Variants in PILRA observed in about 807,000 individuals in gnomAD.
PILRA encodes the protein paired immunoglobin like type 2 receptor alpha, also known as paired immunoglobulin-like type 2 receptor alpha.
A neutral mutation model predicts 33.1 loss-of-function variants in PILRA; 37 were observed. The ratio of observed to expected loss-of-function variants is 1.12; its 90% confidence interval spans 0.86 to 1.47. The LOEUF (loss-of-function observed/expected upper bound fraction) is 1.47. Among genes scored for constraint, PILRA ranks in the 40% most tolerant of loss-of-function variants. The pLI is 0.00. For synonymous variants in PILRA, 146 were observed against 149.9 expected, an observed-to-expected ratio of 0.97 and a Z score of 0.19; for missense variants, 312 against 376.2, an observed-to-expected ratio of 0.83 and a Z score of 1.41.
intron 2 of PILRA, among the ~76,000 whole-genome samples, chr7:100,389,609 G>A (rs1340321514): frequency 2.7e-5 from 4 of 147,748 alleles, no homozygotes; most frequent in Non-Finnish European, 6.0e-5. Context: ...AAGGAAGAAA[G>A]GAATGAAGGA....
rs1001563381 is a variant in PILRA, at chr7:100,393,283, C to CA, written c.673+3190dup. On this transcript the variant is annotated intron_variant, in intron 3 of 6. Transcript: ENST00000198536. Reference sequence around the variant, plus strand: ...TGATAGAGCGAGACTCTGTCTCAAACAAAAAAAAAAAAATTAAAATCAACC... The same window carrying CA: ...TGATAGAGCGAGACTCTGTCTCAAACAAAAAAAAAAAAAATTAAAATCAACC... Among the ~76,000 whole-genome samples the CA allele has an allele frequency of 6.3e-3, 738 of 117,316 alleles. 7 individuals carry two copies. Among genetic ancestry groups the CA allele is most frequent in the African/African-American group, 0.019 (606 of 31,752 alleles). 77.0% of individuals were successfully genotyped at this position (117,316 alleles called of 152,430 possible). A position where few individuals can be genotyped will look rare whatever the true frequency, so the allele number is the denominator to read the frequency against.
intron 2 of PILRA, among the ~76,000 whole-genome samples, chr7:100,377,782 G>T (rs1790989167): frequency 6.6e-6 from 1 of 151,928 alleles, no homozygotes; most frequent in African/African-American, 2.4e-5. Context: ...AATTTATTTT[G>T]GTATATGGCA....
intron 2 of PILRA, chr7:100,374,673 C>T (rs1790906598): frequency 3.5e-6 from 2 of 576,238 alleles, no homozygotes; most frequent in Non-Finnish European, 3.1e-6. Flanking sequence ...TCCAGCCCCG[C>T]CCCCACTCCT....
intron 4 of PILRA, 74 bp downstream of exon 4, chr7:100,397,986 G>A: frequency 2.0e-6 from 3 of 1,472,102 alleles, no homozygotes; most frequent in Non-Finnish European, 2.9e-6. Flanking sequence ...GAAACAGGGA[G>A]TGTGCTGCTA....
At chr7:100,394,748 C>G (rs748214845) in intron 3 of PILRA, among the ~76,000 whole-genome samples, 1 of 152,114 alleles carries the variant, frequency 6.6e-6, no homozygotes, top group Non-Finnish European at 1.5e-5. Flanking sequence ...AAAGGACAAT[C>G]TCTTCAACAA....
rs2130149459 is a variant in PILRA, at chr7:100,373,586, C to T, written c.-71C>T. The stretch of plus-strand genomic sequence containing the variant: ...TCACTCACCTCAACCCCCAGGCGGC[C>T]CCTCCACAGGGCCCCTCTCCTGCCT... On this transcript the variant is annotated 5_prime_UTR_variant, in exon 1 of 7. Transcript: ENST00000198536. 2 of 1,578,232 alleles carry T rather than the reference C, an allele frequency of 1.3e-6. No homozygotes were observed. The highest frequency in any genetic ancestry group is 1.7e-5 in the Admixed American group (1 of 59,932).
chr7:100,390,449 G>A (rs935750325), intron 3 of PILRA, among the ~76,000 whole-genome samples: 6 of 152,310 alleles, frequency 3.9e-5, no homozygotes, highest in Middle Eastern at 3.4e-3. Flanking sequence ...GGGACCAGAA[G>A]TAAGCTGAGC....
At chr7:100,396,187 C>A (rs1212426267) in intron 3 of PILRA, among the ~76,000 whole-genome samples, 1 of 152,078 alleles carries the variant, frequency 6.6e-6, no homozygotes, top group Non-Finnish European at 1.5e-5. Flanking sequence ...CTTTTGGGTA[C>A]ATACCAAACA....
chr7:100,389,911 C>T lies in PILRA; in HGVS notation c.478C>T (p.Pro160Ser). The T allele has an allele frequency of 6.2e-7, 1 of 1,613,992 alleles. No homozygotes were observed. The highest frequency in any genetic ancestry group is 1.1e-5 in the South Asian group (1 of 91,078). The change falls in exon 3 of 7, where the codon CCC becomes TCC. Residue 160 changes from proline to serine, a missense_variant. By Grantham distance (74) the Pro-to-Ser change is moderately conservative. Transcript: ENST00000198536. ...AGCTGTCACGACCACCACCCAGAGG[C>T]CCAGCAGCATGACTACCACCTGGAG... ...TQAVTTTTQR[P>S]SSMTTTWRLS...
At chr7:100,384,081 T>C (rs1422847177) in intron 2 of PILRA, among the ~76,000 whole-genome samples, 1 of 152,024 alleles carries the variant, frequency 6.6e-6, no homozygotes, top group Non-Finnish European at 1.5e-5. Flanking sequence ...AGTTGGCTGA[T>C]ACTGGTTATA....
At chr7:100,384,927 CTAAG>C (rs1791223005) in intron 2 of PILRA, among the ~76,000 whole-genome samples, 1 of 152,042 alleles carries the variant, frequency 6.6e-6, no homozygotes, top group South Asian at 2.1e-4. Context: ...TCAGAAGGAG[CTAAG>C]TAAGAGTGAG....
chr7:100,373,373 C>T (rs1380681797), upstream of PILRA: 4 of 569,526 alleles, frequency 7.0e-6, no homozygotes, highest in East Asian at 8.6e-5. Flanking sequence ...CCCAGCCCCT[C>T]GGCAGGAGGA....
At chr7:100,399,507 A>T in intron 5 of PILRA, 74 bp from the exon 6 acceptor site, 1 of 1,556,498 alleles carries the variant, frequency 6.4e-7, no homozygotes, top group Non-Finnish European at 8.9e-7. Flanking sequence ...CCTCACTCCT[A>T]GAGCCCCCTG....
chr7:100,374,869 G>A (rs73161751), intron 2 of PILRA: 119 of 233,488 alleles, frequency 5.1e-4, no homozygotes, highest in Non-Finnish European at 9.4e-4. Context: ...CCCATACCTT[G>A]CATCTCTCAC....
intron 2 of PILRA, among the ~76,000 whole-genome samples, chr7:100,382,838 G>A (rs976605237): frequency 1.3e-5 from 2 of 152,098 alleles, no homozygotes; most frequent in Non-Finnish European, 2.9e-5. Flanking sequence ...GCGAGACCAC[G>A]AACCCATAAA....
Position 100,374,040 on chromosome 7 carries a change from C to G in PILRA, c.65-4C>G. ...CTCCCCTACTCACTCCCTCCCTCCTCTAGGTGGCTCCACAGGATCTGGTCC... is the reference window on the plus strand; with the variant it reads ...CTCCCCTACTCACTCCCTCCCTCCTGTAGGTGGCTCCACAGGATCTGGTCC... On this transcript the variant is annotated splice_polypyrimidine_tract_variant and splice_region_variant and intron_variant, in intron 1 of 6. Transcript: ENST00000198536. The G allele has an allele frequency of 6.2e-7, 1 of 1,613,168 alleles. No individual in the cohort carries two copies. Among genetic ancestry groups the G allele is most frequent in the South Asian group, 1.1e-5 (1 of 91,032 alleles).
Position 100,373,632 on chromosome 7 carries a change from C to T in PILRA, c.-25C>T. ...TGCCTGGACGGCTCTGCTGGTCTCCCCGTCCCCTGGAGAAGAACAAGGCCA... is the reference window on the plus strand; with the variant it reads ...TGCCTGGACGGCTCTGCTGGTCTCCTCGTCCCCTGGAGAAGAACAAGGCCA... On this transcript the variant is annotated 5_prime_UTR_variant, in exon 1 of 7. Transcript: ENST00000198536. The T allele has an allele frequency of 6.2e-7, 1 of 1,613,336 alleles. No homozygotes were observed.
rs1859788 is a variant in PILRA, at chr7:100,374,211, A to G, written c.232A>G (p.Arg78Gly). 1,097,674 of 1,613,776 alleles carry G rather than the reference A, an allele frequency of 0.68. 378,895 individuals carry two copies. Among genetic ancestry groups the G allele is most frequent in the African/African-American group, 0.87 (64,896 of 74,866 alleles). Residue 78 changes from arginine (R) to glycine (G), a missense_variant, in exon 2 of 7, where the codon AGG (arginine) becomes GGG (glycine). Transcript: ENST00000198536. ...RISWRRGHFH[R>G]QSFYSTRPPS... is the part of the protein sequence containing the mutation. ...ATCCTGGAGACGGGGCCACTTCCACAGGCAGTCCTTCTACAGCACAAGGCC... is the reference window on the plus strand; with the variant it reads ...ATCCTGGAGACGGGGCCACTTCCACGGGCAGTCCTTCTACAGCACAAGGCC...
chr7:100,379,637 C>T (rs1006010375), intron 2 of PILRA, among the ~76,000 whole-genome samples: 1 of 139,748 alleles, frequency 7.2e-6, no homozygotes, highest in Non-Finnish European at 1.5e-5. Flanking sequence ...CACTGCACTC[C>T]AGCCTGAGCA....
Sources: allele counts gnomAD v4.1 joint callset (sites outside exome capture counted in the v4.1 genomes callset), GRCh38; gene constraint gnomAD v4.1.1; transcripts MANE v1.5; gene names NCBI Gene and HGNC (gene_info 2026-07-23, HGNC 2026-07-21).